Variants in DBNL observed in about 807,000 individuals in gnomAD.
DBNL encodes the protein drebrin like.
Under a neutral mutation model 62.2 loss-of-function variants are expected in DBNL, and 35 were observed. That is an observed-to-expected ratio of 0.56 (90% CI 0.43 to 0.75). The LOEUF (loss-of-function observed/expected upper bound fraction) is 0.75, where lower values mean the gene tolerates loss of function less well. DBNL is among the 30% of genes least tolerant of loss of function. The probability of loss-of-function intolerance (pLI) is 0.00; values close to 1 mark genes in which losing one functional copy is unlikely to be tolerated. For missense variants in DBNL, 495 were observed against 578.4 expected, an observed-to-expected ratio of 0.86 and a Z score of 1.48; for synonymous variants, 197 against 218.0, an observed-to-expected ratio of 0.90 and a Z score of 0.85.
chr7:44,068,268 G>A lies in DBNL; in HGVS notation c.*7352G>A, dbSNP rs1469142080. The A allele has an allele frequency of 6.6e-6, 1 of 151,490 alleles. No individual in the cohort carries two copies. The highest frequency in any genetic ancestry group is 1.5e-5 in the Non-Finnish European group (1 of 67,882). The allele number at this position is 151,490 out of a possible 1,614,324, so 9.4% of individuals were successfully genotyped here. ...GGAAAGAGCCCCAGATTTGTGGCTG[G>A]AGGTCTTGGTAGGGATGTTGCAGGG... On this transcript the variant is annotated 3_prime_UTR_variant, in exon 13 of 13. Transcript: ENST00000448521.
intron 4 of DBNL, 126 bp downstream of exon 4, chr7:44,053,067 C>G (rs2096129468): frequency 7.9e-7 from 1 of 1,263,398 alleles, no homozygotes; most frequent in Non-Finnish European, 1.1e-6. Context: ...CTAATGCTCT[C>G]TGCCTGCCTT....
intron 1 of DBNL, among the ~76,000 whole-genome samples, chr7:44,049,210 G>A (rs984889229): frequency 1.3e-5 from 2 of 152,060 alleles, no homozygotes; most frequent in African/African-American, 4.8e-5. Context: ...AGGCTGGAGT[G>A]CAGTGGCGCG....
chr7:44,069,352 A>C lies in DBNL; in HGVS notation c.*8436A>C, dbSNP rs2096165091. 6.6e-6 allele frequency: 1 copy of C among 152,224 alleles called. No homozygotes were observed. Among genetic ancestry groups the C allele is most frequent in the African/African-American group, 2.4e-5 (1 of 41,446 alleles). 9.4% of individuals were successfully genotyped at this position (152,224 alleles called of 1,614,324 possible). ...TAAGACAACTAGAACATGAGGGGAG[A>C]AGGGTGAAGGGACCTAGATGGTAGT... On this transcript the variant is annotated 3_prime_UTR_variant, in exon 13 of 13. Transcript: ENST00000448521.
Position 44,061,625 on chromosome 7 carries a change from AAC to A in DBNL, c.*713_*714del, listed in dbSNP as rs1183148639. 6.5e-6 allele frequency: 1 copy of A among 152,786 alleles called. No homozygotes were observed. Among genetic ancestry groups the A allele is most frequent in the African/African-American group, 2.4e-5 (1 of 41,470 alleles). The allele number at this position is 152,786 out of a possible 1,614,324, so 9.5% of individuals were successfully genotyped here. On this transcript the variant is annotated 3_prime_UTR_variant, in exon 13 of 13. Coordinates refer to ENST00000448521, the MANE Select transcript of DBNL (RefSeq NM_001014436.3). ...AACTGATTCTGACTTCAGGAAAAGT[AAC>A]ACAGAGTGGCCTTGGCCTGTTGTCT...
Position 44,059,793 on chromosome 7 carries a change from AAATT to A in DBNL, c.1047+136_1047+139del. 1 of 950,154 alleles carries A rather than the reference AAATT, an allele frequency of 1.1e-6. No homozygotes were observed. The highest frequency in any genetic ancestry group is 1.5e-6 in the Non-Finnish European group (1 of 645,608). 58.9% of individuals were successfully genotyped at this position (950,154 alleles called of 1,614,324 possible). On this transcript the variant is annotated intron_variant, in intron 11 of 12. Transcript: ENST00000448521. This position sits in a 1 kb window ranked among gnomAD's most constrained non-coding sequence, Gnocchi z 4.1. ...CATTTTTGGAGCAGCCCTGTGTTAT[AAATT>A]GTCAGGGCACGCCCCACTCTATAGG...
intron 1 of DBNL, among the ~76,000 whole-genome samples, chr7:44,048,656 G>A (rs2096121400): frequency 6.6e-6 from 1 of 152,214 alleles, no homozygotes; most frequent in African/African-American, 2.4e-5. Context: ...TATCCCTGGA[G>A]CTTCTGTCTG....
In DBNL at chr7:44,064,793, G is replaced by GGGCCCCCCCCCCCCCCCCCCCCCCCCCC; in HGVS notation, c.*3877_*3878insGGCCCCCCCCCCCCCCCCCCCCCCCCCC. 8.8e-7 allele frequency: 1 copy of GGGCCCCCCCCCCCCCCCCCCCCCCCCCC among 1,136,982 alleles called. No homozygotes were observed. Among genetic ancestry groups the GGGCCCCCCCCCCCCCCCCCCCCCCCCCC allele is most frequent in the Non-Finnish European group, 1.3e-6 (1 of 773,400 alleles). 70.4% of individuals were successfully genotyped at this position (1,136,982 alleles called of 1,614,324 possible). A position where few individuals can be genotyped will look rare whatever the true frequency, so the allele number is the denominator to read the frequency against. On this transcript the variant is annotated 3_prime_UTR_variant, in exon 13 of 13. Coordinates refer to ENST00000448521, the MANE Select transcript of DBNL (RefSeq NM_001014436.3). ...AGATGAGAAGCCAGCTGGGGCTGCT[G>GGGCCCCCCCCCCCCCCCCCCCCCCCCCC]CCCACCCACCCTGCCCAGGCTCCTG...
chr7:44,062,782 G>A lies in DBNL; in HGVS notation c.*1866G>A, dbSNP rs1212190997. The A allele has an allele frequency of 6.2e-7, 1 of 1,614,198 alleles. No individual in the cohort carries two copies. Among genetic ancestry groups the A allele is most frequent in the Non-Finnish European group, 8.5e-7 (1 of 1,180,042 alleles). Reference sequence around the variant, plus strand: ...CCACCCCTCACTTGGCCTTGCCCTGGGCAGCCACAGCCTCCATGGCCTTCC... The same window carrying A: ...CCACCCCTCACTTGGCCTTGCCCTGAGCAGCCACAGCCTCCATGGCCTTCC... On this transcript the variant is annotated 3_prime_UTR_variant, in exon 13 of 13. Transcript: ENST00000448521.
chr7:44,053,380 C>G (rs1562652865), intron 4 of DBNL, among the ~76,000 whole-genome samples: 1 of 152,172 alleles, frequency 6.6e-6, no homozygotes. Context: ...ATAATAGAAC[C>G]TTTTTAAATT....
In DBNL at chr7:44,065,511, C is replaced by A. The variant is rs774293728; in HGVS notation, c.*4595C>A. 6.2e-7 allele frequency: 1 copy of A among 1,613,918 alleles called. No individual in the cohort carries two copies. Among genetic ancestry groups the A allele is most frequent in the African/African-American group, 1.3e-5 (1 of 74,944 alleles). On this transcript the variant is annotated 3_prime_UTR_variant, in exon 13 of 13. Coordinates refer to ENST00000448521, the MANE Select transcript of DBNL (RefSeq NM_001014436.3). ...GTGCTCTCGCCGTGCCGGACCATCACGAGGCGGTGAGTGGCCATGGTGGCA... is the reference window on the plus strand; with the variant it reads ...GTGCTCTCGCCGTGCCGGACCATCAAGAGGCGGTGAGTGGCCATGGTGGCA...
At chr7:44,058,656 G>A (rs1158430214) in intron 8 of DBNL, 176 bp downstream of exon 8, 5 of 966,854 alleles carry the variant, frequency 5.2e-6, no homozygotes, top group Non-Finnish European at 7.7e-6. Flanking sequence ...AAAGGCGGAA[G>A]CGTCGGGCTT....
chr7:44,065,354 A>G lies in DBNL; in HGVS notation c.*4438A>G. On this transcript the variant is annotated 3_prime_UTR_variant, in exon 13 of 13. Transcript: ENST00000448521. ...GAGGGTGCGGATGGCCCGCTTCAGC[A>G]CTGACGTGTAGCAGATGTCAAACTC... 1 of 1,613,872 alleles carries G rather than the reference A, an allele frequency of 6.2e-7. No individual in the cohort carries two copies. Among genetic ancestry groups the G allele is most frequent in the African/African-American group, 1.3e-5 (1 of 75,058 alleles).
chr7:44,051,582 G>A, intron 2 of DBNL: 1 of 344,034 alleles, frequency 2.9e-6, no homozygotes, highest in Non-Finnish European at 5.3e-6. Context: ...AAACGAGTGT[G>A]GGTAAAAAAA....
Position 44,063,017 on chromosome 7 carries a change from A to C in DBNL, c.*2101A>C. 7.1e-7 allele frequency: 1 copy of C among 1,417,808 alleles called. No individual in the cohort carries two copies. The highest frequency in any genetic ancestry group is 1.0e-6 in the Non-Finnish European group (1 of 1,003,098). The allele number at this position is 1,417,808 out of a possible 1,614,324, so 87.8% of individuals were successfully genotyped here. ...ACTATGTGACCTTTATGGTCCACAGAGCCAGTTCCCCTGGCACCAATTCCT... is the reference window on the plus strand; with the variant it reads ...ACTATGTGACCTTTATGGTCCACAGCGCCAGTTCCCCTGGCACCAATTCCT... On this transcript the variant is annotated 3_prime_UTR_variant, in exon 13 of 13. Coordinates refer to ENST00000448521, the MANE Select transcript of DBNL (RefSeq NM_001014436.3).
rs779880310 is a variant in DBNL at position 44,065,479 on chromosome 7, G to T, written c.*4563G>T. On this transcript the variant is annotated 3_prime_UTR_variant, in exon 13 of 13. Coordinates refer to ENST00000448521, the MANE Select transcript of DBNL (RefSeq NM_001014436.3). The stretch of plus-strand genomic sequence containing the variant: ...ACCAGCCACAGAAACGGTTCTCCTG[G>T]TTCCATGTGCTCTCGCCGTGCCGGA... The T allele has an allele frequency of 7.4e-6, 12 of 1,613,988 alleles. No homozygotes were observed. Among genetic ancestry groups the T allele is most frequent in the Non-Finnish European group, 1.0e-5 (12 of 1,180,050 alleles).
chr7:44,058,140 G>A lies in DBNL; in HGVS notation c.564G>A (p.Glu188=). 1 of 1,556,260 alleles carries A rather than the reference G, an allele frequency of 6.4e-7. No homozygotes were observed. The highest frequency in any genetic ancestry group is 8.7e-7 in the Non-Finnish European group (1 of 1,150,206). The change falls in exon 7 of 13, where the codon GAG becomes GAA. Residue 188 remains glutamate (E), a synonymous_variant. Transcript: ENST00000448521. ...SFWAKAEKEE[E]NRRLEEKRRA... is the part of the protein sequence containing the mutation. ...GGCTCTCCCTGCAGAAGGAGGAGGA[G>A]AACCGTCGGCTGGAGGAAAAGCGGC... is the stretch of plus-strand genomic sequence containing the variant.
rs532170907 is a variant in DBNL, at chr7:44,062,995, A to G, written c.*2079A>G. ...CCAGCCTGTTTACACAGCAGACACT[A>G]TGTGACCTTTATGGTCCACAGAGCC... is the stretch of plus-strand genomic sequence containing the variant. On this transcript the variant is annotated 3_prime_UTR_variant, in exon 13 of 13. Transcript: ENST00000448521. 1,038 of 1,545,362 alleles carry G rather than the reference A, an allele frequency of 6.7e-4. 21 individuals carry two copies. The South Asian group carries it at 0.011, about 17-fold the overall frequency.
Position 44,066,593 on chromosome 7 carries a change from G to C in DBNL, c.*5677G>C, listed in dbSNP as rs2096160515. 6.6e-6 allele frequency: 1 copy of C among 152,334 alleles called. No homozygotes were observed. Among genetic ancestry groups the C allele is most frequent in the Non-Finnish European group, 1.5e-5 (1 of 68,076 alleles). 9.4% of individuals were successfully genotyped at this position (152,334 alleles called of 1,614,324 possible). A position where few individuals can be genotyped will look rare whatever the true frequency, so the allele number is the denominator to read the frequency against. On this transcript the variant is annotated 3_prime_UTR_variant, in exon 13 of 13. Transcript: ENST00000448521. The stretch of plus-strand genomic sequence containing the variant: ...GCGACACTTCTGATAACAGGAGCGG[G>C]TAGGTGAGAGGCCAGCAGAGGGACC...
In DBNL at chr7:44,068,778, A is replaced by G. The variant is rs2096164127; in HGVS notation, c.*7862A>G. ...ATTAGATGATAGTTTGGAAAAAGAT[A>G]TAAACTTACAAACCAAGAAGCTCAG... On this transcript the variant is annotated 3_prime_UTR_variant, in exon 13 of 13. Coordinates refer to ENST00000448521, the MANE Select transcript of DBNL (RefSeq NM_001014436.3). 1 of 152,360 alleles carries G rather than the reference A, an allele frequency of 6.6e-6. No individual in the cohort carries two copies. The highest frequency in any genetic ancestry group is 1.5e-5 in the Non-Finnish European group (1 of 68,028). 9.4% of individuals were successfully genotyped at this position (152,360 alleles called of 1,614,324 possible). A position where few individuals can be genotyped will look rare whatever the true frequency, so the allele number is the denominator to read the frequency against.
Sources: gnomAD v4.1 joint callset for allele counts (sites outside exome capture counted in the v4.1 genomes callset) on GRCh38, gnomAD v4.1.1 for gene constraint, Gnocchi (gnomAD v3.1) non-coding constraint, MANE v1.5 for transcripts, NCBI Gene and HGNC (gene_info 2026-07-23, HGNC 2026-07-21) for gene names.